Variants in CCDC66 observed in about 807,000 individuals in gnomAD.
The protein encoded by CCDC66 is coiled-coil domain-containing protein 66.
In CCDC66, 133 loss-of-function variants were observed where a neutral mutation model predicts 128.3. The ratio of observed to expected loss-of-function variants is 1.04; its 90% confidence interval spans 0.90 to 1.20. The LOEUF (loss-of-function observed/expected upper bound fraction) is 1.20. CCDC66 is among the 50% of genes most tolerant of loss of function. CCDC66 has a pLI of 0.00. For missense variants in CCDC66, 1,126 were observed against 1,075.5 expected, an observed-to-expected ratio of 1.05 and a Z score of -0.66; for synonymous variants, 387 against 357.0, an observed-to-expected ratio of 1.08 and a Z score of -0.95.
intron 10 of CCDC66, among the ~76,000 whole-genome samples, chr3:56,612,639 T>C (rs143350428): frequency 2.6e-5 from 4 of 152,018 alleles, no homozygotes; most frequent in Admixed American, 6.5e-5. Flanking sequence ...CAGCCAGTGG[T>C]GGTGTTGGCG....
intron 10 of CCDC66, among the ~76,000 whole-genome samples, chr3:56,610,330 A>G (rs282530): frequency 0.83 from 126,165 of 152,044 alleles, 52,921 homozygotes; most frequent in Non-Finnish European, 0.91. Context: ...TTTGAGCTCT[A>G]AATTTCTTTC....
rs1182239495 is a variant in CCDC66 at position 56,567,058 on chromosome 3, G to A, written c.814+5G>A. On this transcript the variant is annotated splice_donor_5th_base_variant and intron_variant, in intron 6 of 17. Transcript: ENST00000394672. ...CCCAGTGGAGGAAAGAGCTAGGTAG[G>A]TAACTTTTATACCTTTATTATAGTT... The A allele has an allele frequency of 4.4e-6, 7 of 1,603,138 alleles. No individual in the cohort carries two copies. The highest frequency in any genetic ancestry group is 6.0e-6 in the Non-Finnish European group (7 of 1,170,422).
At chr3:56,613,857 T>C (rs1224841069) in intron 11 of CCDC66, 107 bp downstream of exon 11, 5 of 892,236 alleles carry the variant, frequency 5.6e-6, no homozygotes, top group Middle Eastern at 3.6e-4. Flanking sequence ...CATAGCTCAC[T>C]GCAGTCTTGA....
At chr3:56,565,592 T>C (rs2065718108) in intron 4 of CCDC66, among the ~76,000 whole-genome samples, 1 of 147,644 alleles carries the variant, frequency 6.8e-6, no homozygotes, top group African/African-American at 2.5e-5. Flanking sequence ...CACCCAGCCA[T>C]ATAATTTTTA....
chr3:56,606,729 C>T (rs1436308670), intron 10 of CCDC66, among the ~76,000 whole-genome samples: 1 of 151,376 alleles, frequency 6.6e-6, no homozygotes, highest in East Asian at 1.9e-4. Flanking sequence ...CCTATTCGGC[C>T]ATCTTGCCAA....
At position 56,574,946 on chromosome 3, in the gene CCDC66, T is replaced by C. The variant is rs2067158526; in HGVS notation, c.936+3644T>C. On this transcript the variant is annotated intron_variant, in intron 7 of 17. Transcript: ENST00000394672. Reference sequence around the variant, plus strand: ...TTTTCTTTATCCATTAATCCATGGATAGAAATTTGGATTGTTTCTACCTTT... The same window carrying C: ...TTTTCTTTATCCATTAATCCATGGACAGAAATTTGGATTGTTTCTACCTTT... Among the ~76,000 whole-genome samples the C allele has an allele frequency of 2.0e-5, 3 of 151,862 alleles. No individual in the cohort carries two copies. The South Asian group carries it at 6.2e-4, about 32-fold the overall frequency.
intron 7 of CCDC66, among the ~76,000 whole-genome samples, chr3:56,571,640 A>G (rs1485027395): frequency 6.6e-6 from 1 of 152,140 alleles, no homozygotes; most frequent in African/African-American, 2.4e-5. Flanking sequence ...GACCTCCCAA[A>G]GTGCTGGGAT....
chr3:56,592,172 CAG>C (rs1272911614), intron 7 of CCDC66, among the ~76,000 whole-genome samples: 1 of 152,142 alleles, frequency 6.6e-6, no homozygotes, highest in Non-Finnish European at 1.5e-5. Flanking sequence ...ACCTAGAAGA[CAG>C]AGGTTCTCCT....
intron 10 of CCDC66, among the ~76,000 whole-genome samples, chr3:56,604,927 T>A (rs1054087554): frequency 2.0e-5 from 3 of 152,098 alleles, no homozygotes; most frequent in Non-Finnish European, 4.4e-5. Context: ...AGATTTGGTC[T>A]TTTCACATAC....
At chr3:56,580,042 C>CT (rs1559652575) in intron 7 of CCDC66, among the ~76,000 whole-genome samples, 4 of 151,696 alleles carry the variant, frequency 2.6e-5, no homozygotes, top group Admixed American at 1.3e-4. Context: ...GTGTGGGAGT[C>CT]TAAGTCTCTT....
chr3:56,613,505 G>T (rs1479114816), intron 10 of CCDC66, 84 bp from the exon 11 acceptor site: 1 of 1,493,708 alleles, frequency 6.7e-7, no homozygotes. Context: ...GGTGAGCACT[G>T]AATGTATCTA....
In CCDC66 at chr3:56,617,670, G is replaced by A. The variant is rs190716195; in HGVS notation, c.2337+65G>A. The A allele has an allele frequency of 3.7e-3, 5,639 of 1,518,916 alleles. 12 individuals are homozygous for A. Among genetic ancestry groups the A allele is most frequent in the Non-Finnish European group, 4.6e-3 (5,192 of 1,133,668 alleles). 94.1% of individuals were successfully genotyped at this position (1,518,916 alleles called of 1,614,324 possible). ...GGATTCAAAACACAGTTTCTCATAC[G>A]TATGCTTTGGTAAGGCTGTTCTGAT... On this transcript the variant is annotated intron_variant, in intron 14 of 17. Transcript: ENST00000394672.
chr3:56,583,710 C>CA (rs1206719311), intron 7 of CCDC66, among the ~76,000 whole-genome samples: 8 of 151,910 alleles, frequency 5.3e-5, no homozygotes, highest in Non-Finnish European at 7.4e-5. Flanking sequence ...TCTACACAGA[C>CA]ACAGCAACAA....
intron 7 of CCDC66, among the ~76,000 whole-genome samples, chr3:56,584,752 GGAGGTTGTA>G (rs1313098063): frequency 6.6e-6 from 1 of 151,902 alleles, no homozygotes; most frequent in Non-Finnish European, 1.5e-5. Flanking sequence ...GCTGGGAAGT[GGAGGTTGTA>G]GCTAGCCGAG....
At chr3:56,587,578 A>C (rs1485926683) in intron 7 of CCDC66, among the ~76,000 whole-genome samples, 1 of 152,180 alleles carries the variant, frequency 6.6e-6, no homozygotes, top group African/African-American at 2.4e-5. Context: ...TCCTTAAAGA[A>C]CTAAAAGTTA....
At chr3:56,580,113 T>G (rs926201896) in intron 7 of CCDC66, among the ~76,000 whole-genome samples, 1 of 151,918 alleles carries the variant, frequency 6.6e-6, no homozygotes, top group African/African-American at 2.4e-5. Context: ...TGCATATATA[T>G]TTAGGATAGT....
chr3:56,607,391 A>G (rs1164770279), intron 10 of CCDC66, among the ~76,000 whole-genome samples: 1 of 151,842 alleles, frequency 6.6e-6, no homozygotes, highest in Non-Finnish European at 1.5e-5. Flanking sequence ...AGTATTTTAT[A>G]TATTTTTTTG....
chr3:56,584,696 C>T (rs955212030), intron 7 of CCDC66, among the ~76,000 whole-genome samples: 16 of 151,928 alleles, frequency 1.1e-4, no homozygotes, highest in African/African-American at 3.1e-4. Context: ...GGGTGGCGGC[C>T]GGGCAGAGGC....
chr3:56,597,299 T>C (rs1264053185), intron 10 of CCDC66, among the ~76,000 whole-genome samples: 1 of 152,086 alleles, frequency 6.6e-6, no homozygotes, highest in African/African-American at 2.4e-5. Flanking sequence ...GTGGTTCCTA[T>C]AGTCTTGTAA....
Sources: gnomAD v4.1 joint callset for allele counts (sites outside exome capture counted in the v4.1 genomes callset) on GRCh38, gnomAD v4.1.1 for gene constraint, MANE v1.5 for transcripts, NCBI Gene and HGNC (gene_info 2026-07-23, HGNC 2026-07-21) for gene names.